The following SORCS2 variants were observed in gnomAD, a reference collection of about 807,000 sequenced individuals.
SORCS2 encodes VPS10 domain-containing receptor SorCS2.
A neutral mutation model predicts 141.6 loss-of-function variants in SORCS2; 100 were observed. That is an observed-to-expected ratio of 0.71 (90% CI 0.60 to 0.83). The LOEUF is 0.83. SORCS2 is among the 40% of genes least tolerant of loss of function. SORCS2 has a pLI of 0.00. For synonymous variants in SORCS2, 789 were observed against 676.9 expected, an observed-to-expected ratio of 1.17 and a Z score of -2.57; for missense variants, 1,646 against 1,560.2, an observed-to-expected ratio of 1.05 and a Z score of -0.93.
At chr4:7,349,257 G>A (rs1417682187) in intron 1 of SORCS2, among the ~76,000 whole-genome samples, 1 of 152,168 alleles carries the variant, frequency 6.6e-6, no homozygotes, top group Admixed American at 6.5e-5. Flanking sequence ...CACCCCTGCC[G>A]TAGGGAGCAG....
At chr4:7,499,477 G>A (rs2012883) in intron 2 of SORCS2, among the ~76,000 whole-genome samples, 4,925 of 152,250 alleles carry the variant, frequency 0.032, 250 homozygotes, top group African/African-American at 0.11. Flanking sequence ...TGGGCCCAGA[G>A]GTGGGGGCCT....
chr4:7,597,962 CTTTTTTTTTT>C (rs902858065), intron 3 of SORCS2, among the ~76,000 whole-genome samples: 3 of 91,542 alleles, frequency 3.3e-5, no homozygotes, highest in Admixed American at 1.2e-4. Flanking sequence ...TTCAGCTAAT[CTTTTTTTTTT>C]TTTTTTTTTT....
At chr4:7,342,212 C>T (rs532535452) in intron 1 of SORCS2, among the ~76,000 whole-genome samples, 10 of 152,290 alleles carry the variant, frequency 6.6e-5, no homozygotes, top group Admixed American at 5.2e-4. Flanking sequence ...CAAGGGGCTG[C>T]AGCTCCTAAG....
intron 2 of SORCS2, among the ~76,000 whole-genome samples, chr4:7,447,915 C>G (rs1276181874): frequency 6.6e-6 from 1 of 152,054 alleles, no homozygotes; most frequent in Non-Finnish European, 1.5e-5. Flanking sequence ...TCCCTCCGCC[C>G]CTAGATGTGG....
chr4:7,246,510 T>A, intron 1 of SORCS2, among the ~76,000 whole-genome samples: 1 of 151,674 alleles, frequency 6.6e-6, no homozygotes. Flanking sequence ...AACCCACACA[T>A]CTCACCTGGG....
intron 1 of SORCS2, among the ~76,000 whole-genome samples, chr4:7,373,924 A>G (rs557249660): frequency 7.2e-5 from 11 of 152,248 alleles, no homozygotes; most frequent in East Asian, 3.9e-4. Flanking sequence ...CCGTTTATCT[A>G]TAGATTAATA....
chr4:7,611,894 C>A (rs1485864336), intron 3 of SORCS2, among the ~76,000 whole-genome samples: 1 of 152,236 alleles, frequency 6.6e-6, no homozygotes, highest in Non-Finnish European at 1.5e-5. Context: ...GCTTGCCGAG[C>A]CCTGGCTCAG....
intron 23 of SORCS2, among the ~76,000 whole-genome samples, chr4:7,730,500 G>A (rs1711578645): frequency 6.6e-6 from 1 of 152,214 alleles, no homozygotes; most frequent in African/African-American, 2.4e-5. Context: ...GTGCTCATCG[G>A]CTGCTGAAGA....
chr4:7,605,510 G>A (rs568750881), intron 3 of SORCS2, among the ~76,000 whole-genome samples: 1 of 152,204 alleles, frequency 6.6e-6, no homozygotes, highest in African/African-American at 2.4e-5. Flanking sequence ...CCTCCACTTG[G>A]GGTTTTGGTC....
At chr4:7,385,195 C>T (rs1723217580) in intron 1 of SORCS2, among the ~76,000 whole-genome samples, 1 of 152,200 alleles carries the variant, frequency 6.6e-6, no homozygotes, top group Non-Finnish European at 1.5e-5. Context: ...CTTGGAGAGC[C>T]AGCACCTCCT....
At chr4:7,353,180 C>A (rs530961963) in intron 1 of SORCS2, among the ~76,000 whole-genome samples, 1 of 152,254 alleles carries the variant, frequency 6.6e-6, no homozygotes, top group Non-Finnish European at 1.5e-5. Flanking sequence ...GAACTGCCAG[C>A]GAGGGCAGGG....
At position 7,569,510 on chromosome 4, in the gene SORCS2, C is replaced by A. The variant is rs13435829; in HGVS notation, c.648+37881C>A. 1.4e-4 allele frequency among the ~76,000 whole-genome samples: 21 copies of A among 151,994 alleles called. No homozygotes were observed. In the East Asian group the frequency reaches 3.3e-3, roughly 24 times the overall value. On this transcript the variant is annotated intron_variant, in intron 3 of 26. Coordinates refer to ENST00000507866, the MANE Select transcript of SORCS2 (RefSeq NM_020777.3). The stretch of plus-strand genomic sequence containing the variant: ...CTGGGGGACAGACAGGGCAAGACTC[C>A]GTCGCAAAAAAGAAAAAAGAAATAT...
At chr4:7,719,089 A>C (rs1161802584) in intron 18 of SORCS2, among the ~76,000 whole-genome samples, 1 of 152,246 alleles carries the variant, frequency 6.6e-6, no homozygotes, top group Admixed American at 6.5e-5. Context: ...CTCTCCCGGC[A>C]CGCAGCTTTC....
chr4:7,360,016 T>C (rs545423383), intron 1 of SORCS2, among the ~76,000 whole-genome samples: 2 of 152,344 alleles, frequency 1.3e-5, no homozygotes, highest in East Asian at 3.9e-4. Flanking sequence ...GCTTGCCCGG[T>C]AGCAGCCATG....
At chr4:7,595,262 C>G (rs1232805776) in intron 3 of SORCS2, among the ~76,000 whole-genome samples, 1 of 152,178 alleles carries the variant, frequency 6.6e-6, no homozygotes, top group Non-Finnish European at 1.5e-5. Flanking sequence ...TGAAAGCTGC[C>G]ACATCCTCTC....
intron 1 of SORCS2, among the ~76,000 whole-genome samples, chr4:7,239,364 C>T (rs1486646785): frequency 1.3e-5 from 2 of 152,270 alleles, no homozygotes; most frequent in Non-Finnish European, 2.9e-5. Context: ...GAGCAGCTCC[C>T]CTGCTGGTCT....
At chr4:7,530,790 G>A (rs1266787316) in intron 2 of SORCS2, among the ~76,000 whole-genome samples, 2 of 152,212 alleles carry the variant, frequency 1.3e-5, no homozygotes, top group Non-Finnish European at 1.5e-5. Context: ...CAGCCAAGGC[G>A]CTTTAAAGCT....
chr4:7,470,386 T>TCCTTCCATCC (rs33913266), intron 2 of SORCS2, among the ~76,000 whole-genome samples: 1 of 151,888 alleles, frequency 6.6e-6, no homozygotes, highest in Non-Finnish European at 1.5e-5. Flanking sequence ...TCCATCCATC[T>TCCTTCCATCC]ATCCTTCCAT....
At chr4:7,710,406 G>A (rs1220191157) in intron 14 of SORCS2, among the ~76,000 whole-genome samples, 4 of 151,064 alleles carry the variant, frequency 2.6e-5, no homozygotes, top group Non-Finnish European at 5.9e-5. Flanking sequence ...TGGGTGCTCC[G>A]TATGCACCAG....
Sources: allele counts gnomAD v4.1 joint callset (sites outside exome capture counted in the v4.1 genomes callset), GRCh38; gene constraint gnomAD v4.1.1; transcripts MANE v1.5; gene names NCBI Gene and HGNC (gene_info 2026-07-23, HGNC 2026-07-21).